Variants in ANKS6 observed in about 807,000 individuals in gnomAD.
ANKS6 encodes the protein ankyrin repeat and SAM domain-containing protein 6.
Under a neutral mutation model 77.9 loss-of-function variants are expected in ANKS6, and 47 were observed. That is an observed-to-expected ratio of 0.60 (90% CI 0.48 to 0.77). ANKS6 has a LOEUF of 0.77. ANKS6 is among the 30% of genes least tolerant of loss of function. ANKS6 has a pLI of 0.00. For missense variants in ANKS6, 1,150 were observed against 1,159.1 expected (o/e 0.99, Z 0.11); for synonymous variants, 488 against 501.7 (o/e 0.97, Z 0.37).
chr9:98,747,628 C>A (rs1832207851), intron 13 of ANKS6, among the ~76,000 whole-genome samples: 1 of 152,098 alleles, frequency 6.6e-6, no homozygotes, highest in Non-Finnish European at 1.5e-5. Flanking sequence ...CCCCACCATC[C>A]CAACCCCTAG....
At position 98,778,286 on chromosome 9, in the gene ANKS6, G is replaced by A; in HGVS notation, c.1507C>T (p.Pro503Ser). ...PALDSTMRAAPQDKTSRSALP... is the reference protein window; with the variant it reads ...PALDSTMRAASQDKTSRSALP... ...GCAGAGCGGCTTGTCTTGTCCTGGG[G>A]GGCAGCCCTCATTGTGGAGTCCAGA... Residue 503 changes from proline to serine, a missense_variant, in exon 7 of 15, where the codon CCC (proline) becomes TCC (serine). Coordinates refer to ENST00000353234, the MANE Select transcript of ANKS6 (RefSeq NM_173551.5). 2.5e-6 allele frequency: 4 copies of A among 1,614,156 alleles called. No individual in the cohort carries two copies. The highest frequency in any genetic ancestry group is 2.2e-5 in the East Asian group (1 of 44,880).
At chr9:98,783,793 G>T in intron 4 of ANKS6, 160 bp downstream of exon 4, 1 of 547,368 alleles carries the variant, frequency 1.8e-6, no homozygotes, top group Non-Finnish European at 2.6e-6. Context: ...ACTAAAATGA[G>T]CCTGTGCCGC....
chr9:98,779,832 T>G (rs1474912298), intron 6 of ANKS6, among the ~76,000 whole-genome samples: 6 of 151,946 alleles, frequency 3.9e-5, no homozygotes, highest in Non-Finnish European at 7.4e-5. Flanking sequence ...CCCGGCTAAT[T>G]TTTGTATTTT....
chr9:98,749,943 C>G, intron 13 of ANKS6, among the ~76,000 whole-genome samples: 1 of 152,150 alleles, frequency 6.6e-6, no homozygotes, highest in East Asian at 1.9e-4. Context: ...GTGATTATAC[C>G]CTGGAGGCTG....
rs375860547 is a variant in ANKS6 at position 98,790,223 on chromosome 9, C to A, written c.743G>T (p.Gly248Val). The A allele has an allele frequency of 2.7e-5, 43 of 1,607,264 alleles. No homozygotes were observed. The highest frequency in any genetic ancestry group is 2.6e-5 in the Non-Finnish European group (30 of 1,175,000). ...LGVAQQLVEKGANPDHLSVLE... is the reference protein window; with the variant it reads ...LGVAQQLVEKVANPDHLSVLE... ...CACGCTGAGGTGGTCAGGGTTGGCG[C>A]CCTTCTCCACCAGCTGCTGGGCCAC... Residue 248 changes from glycine to valine, a missense_variant, in exon 2 of 15, where the codon GGC becomes GTC. Physicochemically the swap from Gly to Val is moderately radical, Grantham distance 109. Coordinates refer to ENST00000353234, the MANE Select transcript of ANKS6 (RefSeq NM_173551.5).
chr9:98,790,094 G>A lies in ANKS6; in HGVS notation c.862+10C>T. On this transcript the variant is annotated intron_variant, in intron 2 of 14. Transcript: ENST00000353234. ...TCCTCTGTGAAGCCACGGGGGGCAT[G>A]CAGCCTGACCTGTTTTGGGCCTGAC... is the stretch of plus-strand genomic sequence containing the variant. 1 of 1,543,034 alleles carries A rather than the reference G, an allele frequency of 6.5e-7. No individual in the cohort carries two copies. Among genetic ancestry groups the A allele is most frequent in the South Asian group, 1.2e-5 (1 of 81,672 alleles).
At position 98,733,890 on chromosome 9, in the gene ANKS6, TG is replaced by T. The variant is rs985367838; in HGVS notation, c.*2628del. 1.5e-5 allele frequency: 15 copies of T among 985,412 alleles called. No individual in the cohort carries two copies. In the East Asian group the frequency reaches 7.9e-4, roughly 52 times the overall value. The allele number at this position is 985,412 out of a possible 1,614,324, so 61.0% of individuals were successfully genotyped here. ...ACTAGGGTTCCCAGGAGCATACTTT[TG>T]GGAAATGCTGGTGAAGGTTGCCAAG... On this transcript the variant is annotated 3_prime_UTR_variant, in exon 15 of 15. Coordinates refer to ENST00000353234, the MANE Select transcript of ANKS6 (RefSeq NM_173551.5).
Position 98,778,266 on chromosome 9 carries a change from G to A in ANKS6, c.1527C>T (p.Arg509=), listed in dbSNP as rs756357392. 6.2e-7 allele frequency: 1 copy of A among 1,614,198 alleles called. No homozygotes were observed. The highest frequency in any genetic ancestry group is 8.5e-7 in the Non-Finnish European group (1 of 1,180,036). The change falls in exon 7 of 15, where the codon CGC becomes CGT. Residue 509 remains arginine, a synonymous_variant. Transcript: ENST00000353234. ...MRAAPQDKTS[R]SALPDAAPVT... ...CAGGGGCCGCATCAGGGAGTGCAGA[G>A]CGGCTTGTCTTGTCCTGGGGGGCAG...
intron 1 of ANKS6, 164 bp downstream of exon 1, chr9:98,795,969 A>C (rs904582666): frequency 4.3e-6 from 3 of 705,534 alleles, no homozygotes; most frequent in African/African-American, 1.8e-5. Context: ...AAGTGTTTCC[A>C]CGTCTATGCT....
intron 13 of ANKS6, among the ~76,000 whole-genome samples, chr9:98,746,767 C>A (rs964713837): frequency 2.0e-5 from 3 of 152,126 alleles, no homozygotes; most frequent in Admixed American, 1.3e-4. Context: ...CTTGTTAACA[C>A]GACTTGACCT....
At chr9:98,795,148 C>T (rs569191578) in intron 1 of ANKS6, among the ~76,000 whole-genome samples, 2 of 152,248 alleles carry the variant, frequency 1.3e-5, no homozygotes, top group Admixed American at 1.3e-4. Flanking sequence ...TGCTGATCTA[C>T]TCCCTGAATA....
At chr9:98,796,099 T>C in intron 1 of ANKS6, 34 bp downstream of exon 1, 2 of 1,304,386 alleles carry the variant, frequency 1.5e-6, no homozygotes, top group Non-Finnish European at 1.9e-6. Context: ...CGGGCACCAC[T>C]CTGGTCCCGG....
In ANKS6 at chr9:98,732,863, T is replaced by G; in HGVS notation, c.*3656A>C. 1 of 1,177,046 alleles carries G rather than the reference T, an allele frequency of 8.5e-7. No homozygotes were observed. Among genetic ancestry groups the G allele is most frequent in the Non-Finnish European group, 1.1e-6 (1 of 947,866 alleles). The allele number at this position is 1,177,046 out of a possible 1,614,324, so 72.9% of individuals were successfully genotyped here. ...AGAAAAACAGGCACCCAACTGACCC[T>G]TCCTCCCTGACGATCTAGAACTTAC... On this transcript the variant is annotated 3_prime_UTR_variant, in exon 15 of 15. Coordinates refer to ENST00000353234, the MANE Select transcript of ANKS6 (RefSeq NM_173551.5).
intron 2 of ANKS6, among the ~76,000 whole-genome samples, chr9:98,785,838 C>T (rs569754211): frequency 1.3e-5 from 2 of 152,148 alleles, no homozygotes; most frequent in African/African-American, 2.4e-5. Context: ...TGAATTTCAG[C>T]GCACATTTTT....
intron 7 of ANKS6, among the ~76,000 whole-genome samples, chr9:98,777,851 C>T (rs1170152521): frequency 6.6e-6 from 1 of 152,162 alleles, no homozygotes; most frequent in Non-Finnish European, 1.5e-5. Flanking sequence ...TGACGGGGAG[C>T]TCACTACTCA....
At chr9:98,789,317 G>A (rs937850876) in intron 2 of ANKS6, among the ~76,000 whole-genome samples, 4 of 151,270 alleles carry the variant, frequency 2.6e-5, no homozygotes, top group Admixed American at 6.6e-5. Context: ...TGTGTGTTGC[G>A]ATCTTATTGC....
rs147088331 is a variant in ANKS6 at position 98,770,030 on chromosome 9, T to C, written c.1972+866A>G. Among the ~76,000 whole-genome samples the C allele has an allele frequency of 2.2e-3, 335 of 152,330 alleles. 1 individual carries two copies. Among genetic ancestry groups the C allele is most frequent in the African/African-American group, 7.6e-3 (314 of 41,578 alleles). On this transcript the variant is annotated intron_variant, in intron 10 of 14. Coordinates refer to ENST00000353234, the MANE Select transcript of ANKS6 (RefSeq NM_173551.5). Reference sequence around the variant, plus strand: ...TTTCCACTAGAAGCAGGGTGGCTGATATGGTTTGGCTGTGTCCCCACCCAA... The same window carrying C: ...TTTCCACTAGAAGCAGGGTGGCTGACATGGTTTGGCTGTGTCCCCACCCAA...
Position 98,732,910 on chromosome 9 carries a change from C to A in ANKS6, c.*3609G>T. ...TTACACATTACGTGCTGCCTTTGCACATGCCCCAGCTGGAATGCCCTTTTT... is the reference window on the plus strand; with the variant it reads ...TTACACATTACGTGCTGCCTTTGCAAATGCCCCAGCTGGAATGCCCTTTTT... On this transcript the variant is annotated 3_prime_UTR_variant, in exon 15 of 15. Coordinates refer to ENST00000353234, the MANE Select transcript of ANKS6 (RefSeq NM_173551.5). 9.2e-7 allele frequency: 1 copy of A among 1,084,612 alleles called. No homozygotes were observed. Among genetic ancestry groups the A allele is most frequent in the Non-Finnish European group, 1.1e-6 (1 of 891,550 alleles). 67.2% of individuals were successfully genotyped at this position (1,084,612 alleles called of 1,614,324 possible).
At chr9:98,771,106 G>A in intron 9 of ANKS6, 60 bp from the exon 10 acceptor site, 6 of 1,427,436 alleles carry the variant, frequency 4.2e-6, no homozygotes, top group Non-Finnish European at 5.6e-6. Flanking sequence ...AGCCGTGCAG[G>A]ATCACAGTGT....
Sources: allele counts gnomAD v4.1 joint callset (sites outside exome capture counted in the v4.1 genomes callset), GRCh38; gene constraint gnomAD v4.1.1; transcripts MANE v1.5; gene names NCBI Gene and HGNC (gene_info 2026-07-23, HGNC 2026-07-21).